Variants in LTBP1 observed in about 807,000 individuals in gnomAD.
LTBP1 encodes the protein latent-transforming growth factor beta-binding protein 1.
In LTBP1, 129 loss-of-function variants were observed where a neutral mutation model predicts 207.6. The ratio of observed to expected loss-of-function variants is 0.62; its 90% confidence interval spans 0.54 to 0.72. The LOEUF is 0.72. Ranked by LOEUF, LTBP1 falls within the 30% of genes least tolerant of loss-of-function variation. The probability of loss-of-function intolerance (pLI) is 0.00; values close to 1 mark genes in which losing one functional copy is unlikely to be tolerated. For synonymous variants in LTBP1, 963 were observed against 833.7 expected, an observed-to-expected ratio of 1.16 and a Z score of -2.67; for missense variants, 2,281 against 2,217.2, an observed-to-expected ratio of 1.03 and a Z score of -0.58.
At chr2:33,105,364 A>T (rs1469780095) in intron 3 of LTBP1, among the ~76,000 whole-genome samples, 1 of 152,224 alleles carries the variant, frequency 6.6e-6, no homozygotes, top group East Asian at 1.9e-4. Flanking sequence ...TCAATTTTTA[A>T]ATTAAAATGT....
In LTBP1 at chr2:33,050,430, T is replaced by C. The variant is rs151319176; in HGVS notation, c.863+29224T>C. 4.1e-3 allele frequency among the ~76,000 whole-genome samples: 626 copies of C among 152,184 alleles called. 7 individuals carry two copies. Among genetic ancestry groups the C allele is most frequent in the African/African-American group, 0.014 (578 of 41,512 alleles). On this transcript the variant is annotated intron_variant, in intron 3 of 33. Coordinates refer to ENST00000404816, the MANE Select transcript of LTBP1 (RefSeq NM_206943.4). ...AAAGTAGGATCGGAATCTTTCTCCA[T>C]GTGGAGAAATTTCAGATTCCAAGAA... is the stretch of plus-strand genomic sequence containing the variant.
chr2:33,275,721 T>G (rs2093412265), intron 17 of LTBP1, 80 bp from the exon 18 acceptor site: 2 of 1,553,246 alleles, frequency 1.3e-6, no homozygotes, highest in South Asian at 1.1e-5. Flanking sequence ...GTTATTATAT[T>G]TGAGCTAAGC....
At position 33,020,971 on chromosome 2, in the gene LTBP1, A is replaced by G. The variant is rs1409888324; in HGVS notation, c.628A>G (p.Lys210Glu). ...MCLRPQLCVC[K>E]PGTKGKACET... ...TCTCCGGCCACAACTCTGTGTGTGTAAACCAGGGACCAAGGGCAAAGCCTG... is the reference window on the plus strand; with the variant it reads ...TCTCCGGCCACAACTCTGTGTGTGTGAACCAGGGACCAAGGGCAAAGCCTG... Residue 210 changes from lysine to glutamate, a missense_variant, in exon 3 of 34, where the codon AAA becomes GAA. Lys to Glu is a moderately conservative substitution (Grantham distance 56). This residue lies in a region of LTBP1 where 555 missense variants were observed against 491.0 expected (regional missense o/e 1.13). Transcript: ENST00000404816. 8 of 1,611,956 alleles carry G rather than the reference A, an allele frequency of 5.0e-6. No individual in the cohort carries two copies. Among genetic ancestry groups the G allele is most frequent in the Non-Finnish European group, 6.8e-6 (8 of 1,178,442 alleles).
intron 5 of LTBP1, among the ~76,000 whole-genome samples, chr2:33,159,370 T>C (rs2084266336): frequency 6.6e-6 from 1 of 152,008 alleles, no homozygotes; most frequent in East Asian, 1.9e-4. Flanking sequence ...AGCTCTGGAG[T>C]TTGAGTTATC....
chr2:33,011,590 T>A (rs762823638), intron 2 of LTBP1, among the ~76,000 whole-genome samples: 6 of 152,044 alleles, frequency 3.9e-5, no homozygotes, highest in Admixed American at 1.3e-4. Flanking sequence ...ACTCTGCTGA[T>A]GCATTGACCT....
At chr2:33,253,670 G>T (rs778285784) in intron 11 of LTBP1, among the ~76,000 whole-genome samples, 22 of 152,142 alleles carry the variant, frequency 1.4e-4, no homozygotes, top group Admixed American at 7.2e-4. Context: ...ACAGGGCCAT[G>T]TAGTGTCTTA....
chr2:32,964,281 G>A (rs762161055), intron 2 of LTBP1, among the ~76,000 whole-genome samples: 1 of 152,068 alleles, frequency 6.6e-6, no homozygotes, highest in Non-Finnish European at 1.5e-5. Context: ...ATAAGACTAG[G>A]GCCCTTTGTA....
intron 25 of LTBP1, among the ~76,000 whole-genome samples, chr2:33,343,415 A>G (rs1444775758): frequency 1.3e-5 from 2 of 151,844 alleles, no homozygotes; most frequent in East Asian, 3.9e-4. Context: ...TGTCTCAAAA[A>G]AAAAAAAAAA....
At chr2:33,011,593 A>G (rs1406022044) in intron 2 of LTBP1, among the ~76,000 whole-genome samples, 1 of 152,104 alleles carries the variant, frequency 6.6e-6, no homozygotes, top group Non-Finnish European at 1.5e-5. Flanking sequence ...CTGCTGATGC[A>G]TTGACCTTGG....
intron 3 of LTBP1, among the ~76,000 whole-genome samples, chr2:33,107,980 G>T (rs144266880): frequency 1.7e-4 from 26 of 152,230 alleles, no homozygotes; most frequent in African/African-American, 5.3e-4. Context: ...TGAAATACTC[G>T]GGGTAACAGA....
At position 32,971,780 on chromosome 2, in the gene LTBP1, C is replaced by T. The variant is rs1206751231; in HGVS notation, c.565+22835C>T. Among the ~76,000 whole-genome samples, 4 of 152,118 alleles carry T rather than the reference C, an allele frequency of 2.6e-5. No homozygotes were observed. The East Asian group carries it at 7.7e-4, about 29-fold the overall frequency. ...TTGTTTGGTTTCTGTTTGTGTGTCT[C>T]TGCCAAGTTTTGGGATCAGAATGAT... On this transcript the variant is annotated intron_variant, in intron 2 of 33. Coordinates refer to ENST00000404816, the MANE Select transcript of LTBP1 (RefSeq NM_206943.4).
Position 33,222,244 on chromosome 2 carries a change from G to T in LTBP1, c.1876+93G>T. The T allele has an allele frequency of 5.8e-6, 5 of 856,788 alleles. No homozygotes were observed. The Admixed American group carries it at 8.8e-5, about 15-fold the overall frequency. 53.1% of individuals were successfully genotyped at this position (856,788 alleles called of 1,614,324 possible). ...TTGCCACGGCTTGCTCATTCGCCCAGCCTGTCACAGTGAACCACCTCATGT... is the reference window on the plus strand; with the variant it reads ...TTGCCACGGCTTGCTCATTCGCCCATCCTGTCACAGTGAACCACCTCATGT... On this transcript the variant is annotated intron_variant, in intron 9 of 33. Coordinates refer to ENST00000404816, the MANE Select transcript of LTBP1 (RefSeq NM_206943.4).
At chr2:33,155,404 C>T (rs2083894418) in intron 5 of LTBP1, among the ~76,000 whole-genome samples, 1 of 152,202 alleles carries the variant, frequency 6.6e-6, no homozygotes, top group African/African-American at 2.4e-5. Context: ...AACTCTGCTT[C>T]TCTGATAGAT....
chr2:33,379,519 C>A (rs1257754937), intron 31 of LTBP1, among the ~76,000 whole-genome samples: 1 of 152,154 alleles, frequency 6.6e-6, no homozygotes, highest in East Asian at 1.9e-4. Flanking sequence ...CCTGCCATTA[C>A]TTTTAATGCA....
At chr2:33,051,271 G>A (rs1292560623) in intron 3 of LTBP1, among the ~76,000 whole-genome samples, 1 of 152,094 alleles carries the variant, frequency 6.6e-6, no homozygotes, top group African/African-American at 2.4e-5. Flanking sequence ...ACAAAAATTG[G>A]CTGGGTGTGG....
intron 19 of LTBP1, among the ~76,000 whole-genome samples, chr2:33,289,715 A>T (rs763657756): frequency 4.0e-4 from 61 of 152,194 alleles, no homozygotes; most frequent in Non-Finnish European, 5.1e-4. Flanking sequence ...TTCCTAACAG[A>T]TAAAACGCAA....
intron 7 of LTBP1, among the ~76,000 whole-genome samples, chr2:33,211,976 T>C (rs2090346359): frequency 6.6e-6 from 1 of 152,218 alleles, no homozygotes; most frequent in Non-Finnish European, 1.5e-5. Context: ...TGAAGATATG[T>C]GTTCCCAGTC....
intron 3 of LTBP1, among the ~76,000 whole-genome samples, chr2:33,104,369 T>TC (rs1476358586): frequency 2.0e-5 from 3 of 152,152 alleles, no homozygotes; most frequent in Non-Finnish European, 2.9e-5. Context: ...CACTAGTATC[T>TC]CCCCATCACA....
At chr2:33,215,119 C>G (rs1338070335) in intron 7 of LTBP1, among the ~76,000 whole-genome samples, 5 of 152,034 alleles carry the variant, frequency 3.3e-5, no homozygotes, top group African/African-American at 7.2e-5. Flanking sequence ...AATGGGACAT[C>G]TGGAGTAGGG....
Sources: allele counts gnomAD v4.1 joint callset (sites outside exome capture counted in the v4.1 genomes callset), GRCh38; gene constraint gnomAD v4.1.1; regional missense constraint gnomAD v4.1.1; transcripts MANE v1.5; gene names NCBI Gene and HGNC (gene_info 2026-07-23, HGNC 2026-07-21).